Variants in ERC2 observed in about 807,000 individuals in gnomAD.
ERC2 encodes the protein ERC protein 2.
Under a neutral mutation model 114.8 loss-of-function variants are expected in ERC2, and 42 were observed. The ratio of observed to expected loss-of-function variants is 0.37; its 90% CI spans 0.29 to 0.47. The LOEUF (loss-of-function observed/expected upper bound fraction) is 0.47. ERC2 is among the 20% of genes least tolerant of loss of function. The pLI, the probability that ERC2 is intolerant of heterozygous loss-of-function variation, is 0.99. For synonymous variants in ERC2, 454 were observed against 425.5 expected (o/e 1.07, Z -0.82); for missense variants, 939 against 1,150.7 (o/e 0.82, Z 2.66).
chr3:55,820,261 C>G (rs2060072204), intron 14 of ERC2, among the ~76,000 whole-genome samples: 1 of 152,138 alleles, frequency 6.6e-6, no homozygotes, highest in African/African-American at 2.4e-5. Flanking sequence ...CAGGCAGACT[C>G]TCTGAGGCAT....
At chr3:56,272,746 A>T (rs982589403) in intron 3 of ERC2, among the ~76,000 whole-genome samples, 4 of 152,212 alleles carry the variant, frequency 2.6e-5, no homozygotes, top group African/African-American at 9.7e-5. Flanking sequence ...CTCCAGCCCC[A>T]GCGACAGAGA....
intron 14 of ERC2, among the ~76,000 whole-genome samples, chr3:55,835,739 G>C (rs2060847290): frequency 6.6e-6 from 1 of 152,158 alleles, no homozygotes; most frequent in Non-Finnish European, 1.5e-5. Flanking sequence ...TATAGTGTTG[G>C]AAGTTCTGGC....
intron 17 of ERC2, among the ~76,000 whole-genome samples, chr3:55,526,529 C>T (rs1219900942): frequency 1.3e-5 from 2 of 152,120 alleles, no homozygotes; most frequent in Admixed American, 1.3e-4. Flanking sequence ...CGTGGCTCTC[C>T]CAAGGGTGGC....
chr3:56,423,945 G>A (rs1229301741), intron 2 of ERC2, among the ~76,000 whole-genome samples: 1 of 152,180 alleles, frequency 6.6e-6, no homozygotes, highest in Non-Finnish European at 1.5e-5. Flanking sequence ...GCACACAGAT[G>A]TCAATGGACT....
intron 7 of ERC2, among the ~76,000 whole-genome samples, chr3:56,053,657 T>C (rs879687284): frequency 1.2e-4 from 19 of 152,164 alleles, no homozygotes; most frequent in Admixed American, 2.6e-4. Context: ...TCAGCTTCCT[T>C]ATCTACAAAA....
At chr3:55,861,381 G>A (rs6769408) in intron 14 of ERC2, among the ~76,000 whole-genome samples, 17,469 of 152,184 alleles carry the variant, frequency 0.11, 1,235 homozygotes, top group African/African-American at 0.19. Context: ...AGCTCCTGGT[G>A]CCAAGTAGCA....
intron 17 of ERC2, among the ~76,000 whole-genome samples, chr3:55,512,262 T>G (rs1173490319): frequency 6.6e-6 from 1 of 152,224 alleles, no homozygotes; most frequent in South Asian, 2.1e-4. Context: ...ATATGTGGCT[T>G]GGATGAACTC....
intron 7 of ERC2, among the ~76,000 whole-genome samples, chr3:56,033,936 C>T (rs1457068354): frequency 6.6e-6 from 1 of 152,114 alleles, no homozygotes; most frequent in Non-Finnish European, 1.5e-5. Context: ...AGACTAGCAG[C>T]AGTAAGTCCT....
intron 17 of ERC2, among the ~76,000 whole-genome samples, chr3:55,547,333 G>A (rs2054827004): frequency 6.6e-6 from 1 of 152,248 alleles, no homozygotes; most frequent in South Asian, 2.1e-4. Context: ...AGGGCCCAGC[G>A]GGCCATGTTT....
intron 13 of ERC2, among the ~76,000 whole-genome samples, chr3:55,927,686 A>C (rs531941398): frequency 6.6e-6 from 1 of 152,006 alleles, no homozygotes; most frequent in Admixed American, 6.6e-5. Context: ...CAAATACTAG[A>C]TCTTATTCAT....
intron 12 of ERC2, among the ~76,000 whole-genome samples, chr3:55,970,307 T>A (rs1052811685): frequency 3.9e-5 from 6 of 152,064 alleles, no homozygotes; most frequent in Non-Finnish European, 5.9e-5. Context: ...ATTAAAAAAA[T>A]TTAGTATTGT....
intron 7 of ERC2, among the ~76,000 whole-genome samples, chr3:56,043,234 A>G (rs2075287841): frequency 6.6e-6 from 1 of 152,210 alleles, no homozygotes; most frequent in Non-Finnish European, 1.5e-5. Flanking sequence ...TATGTAAAAT[A>G]TTCTAGTTTT....
chr3:56,038,864 A>C (rs2074966819), intron 7 of ERC2, among the ~76,000 whole-genome samples: 1 of 152,214 alleles, frequency 6.6e-6, no homozygotes, highest in African/African-American at 2.4e-5. Flanking sequence ...GTTCTCACTT[A>C]TAAGTTGGTG....
intron 13 of ERC2, among the ~76,000 whole-genome samples, chr3:55,907,574 C>G (rs1037218280): frequency 1.3e-5 from 2 of 152,142 alleles, no homozygotes; most frequent in African/African-American, 4.8e-5. Flanking sequence ...TGTAACAGAG[C>G]TACAGAAGGG....
intron 14 of ERC2, among the ~76,000 whole-genome samples, chr3:55,824,398 C>G (rs1008085919): frequency 6.6e-6 from 1 of 152,164 alleles, no homozygotes; most frequent in African/African-American, 2.4e-5. Flanking sequence ...TTAACCTGGA[C>G]CTTCCTTGGA....
At chr3:56,010,679 C>G in intron 8 of ERC2, 90 bp from the exon 9 acceptor site, 1 of 1,390,188 alleles carries the variant, frequency 7.2e-7, no homozygotes, top group East Asian at 2.3e-5. Flanking sequence ...GGCAGTACAT[C>G]TAAGAAATGC....
intron 2 of ERC2, among the ~76,000 whole-genome samples, chr3:56,418,295 CA>C (rs57185789): frequency 0.033 from 2,510 of 75,172 alleles, 38 homozygotes; most frequent in African/African-American, 0.073. Context: ...GATCCTGTCT[CA>C]AAAAAAAAAA....
At chr3:55,571,583 C>T (rs1196487424) in intron 17 of ERC2, among the ~76,000 whole-genome samples, 1 of 152,184 alleles carries the variant, frequency 6.6e-6, no homozygotes, top group East Asian at 1.9e-4. Context: ...CTGCCTTGCT[C>T]GCCTTTCCCA....
intron 14 of ERC2, among the ~76,000 whole-genome samples, chr3:55,779,949 C>G (rs1398525066): frequency 6.6e-6 from 1 of 151,910 alleles, no homozygotes; most frequent in Admixed American, 6.6e-5. Context: ...GTTTGAGAAC[C>G]ACTGATTTAG....
Sources: allele counts gnomAD v4.1 joint callset (sites outside exome capture counted in the v4.1 genomes callset), GRCh38; gene constraint gnomAD v4.1.1; transcripts MANE v1.5; gene names NCBI Gene and HGNC (gene_info 2026-07-23, HGNC 2026-07-21).